RABGAP1L: variants seen among roughly 807,000 people sequenced by gnomAD.
The protein encoded by RABGAP1L is RAB GTPase activating protein 1 like.
Under a neutral mutation model 137.7 loss-of-function variants are expected in RABGAP1L, and 63 were observed. The ratio of observed to expected loss-of-function variants is 0.46; its 90% CI spans 0.37 to 0.56. The LOEUF (loss-of-function observed/expected upper bound fraction) is 0.56, where lower values mean the gene tolerates loss of function less well. Among genes scored for constraint, RABGAP1L ranks in the 20% least tolerant of loss-of-function variants. RABGAP1L has a pLI of 0.00. For synonymous variants in RABGAP1L, 431 were observed against 433.7 expected (o/e 0.99, Z 0.08); for missense variants, 1,095 against 1,244.0 (o/e 0.88, Z 1.80).
At chr1:174,187,155 G>T (rs1666865544) in intron 1 of RABGAP1L, among the ~76,000 whole-genome samples, 1 of 151,904 alleles carries the variant, frequency 6.6e-6, no homozygotes, top group Non-Finnish European at 1.5e-5. Flanking sequence ...CAAATGTTCT[G>T]TCCTCAGAGA....
intron 13 of RABGAP1L, among the ~76,000 whole-genome samples, chr1:174,547,336 C>A (rs1311050026): frequency 6.6e-6 from 1 of 151,836 alleles, no homozygotes; most frequent in Non-Finnish European, 1.5e-5. Context: ...AGCAAGTAAG[C>A]CTGGGTGCAG....
intron 19 of RABGAP1L, among the ~76,000 whole-genome samples, chr1:174,910,147 A>C (rs934642402): frequency 4.6e-5 from 7 of 152,144 alleles, no homozygotes; most frequent in South Asian, 2.1e-4. Flanking sequence ...TCAAAAAAAA[A>C]CACAAACAAA....
intron 1 of RABGAP1L, among the ~76,000 whole-genome samples, chr1:174,199,587 C>T (rs1292706698): frequency 3.3e-5 from 5 of 152,148 alleles, no homozygotes; most frequent in Non-Finnish European, 4.4e-5. Flanking sequence ...CCACCATGCC[C>T]GGCCCATACA....
intron 11 of RABGAP1L, among the ~76,000 whole-genome samples, chr1:174,361,688 C>A (rs1238610190): frequency 6.6e-6 from 1 of 151,942 alleles, no homozygotes; most frequent in Non-Finnish European, 1.5e-5. Context: ...GTGGAGACTT[C>A]AGTTTTTTCC....
intron 1 of RABGAP1L, among the ~76,000 whole-genome samples, chr1:174,165,293 G>C (rs1045280263): frequency 1.3e-5 from 2 of 152,056 alleles, no homozygotes; most frequent in Non-Finnish European, 2.9e-5. Flanking sequence ...GGGATTACAG[G>C]CGCCAACTGC....
chr1:174,716,294 T>C (rs987680043), intron 17 of RABGAP1L, among the ~76,000 whole-genome samples: 1 of 152,216 alleles, frequency 6.6e-6, no homozygotes, highest in Non-Finnish European at 1.5e-5. Flanking sequence ...AGACAGGGTC[T>C]TGTTGTGTTG....
At chr1:174,590,681 C>G (rs1669557297) in intron 13 of RABGAP1L, among the ~76,000 whole-genome samples, 1 of 15,778 alleles carries the variant, frequency 6.3e-5, no homozygotes. Flanking sequence ...GACATGAACT[C>G]ATCATTTTTT....
chr1:174,779,412 T>G (rs539398979), intron 18 of RABGAP1L, among the ~76,000 whole-genome samples: 48 of 152,338 alleles, frequency 3.2e-4, no homozygotes, highest in Non-Finnish European at 5.9e-4. Flanking sequence ...TTGTCTTGAA[T>G]TCTTCAATTA....
At chr1:174,249,006 T>G (rs894855128) in intron 5 of RABGAP1L, among the ~76,000 whole-genome samples, 1 of 152,178 alleles carries the variant, frequency 6.6e-6, no homozygotes, top group Non-Finnish European at 1.5e-5. Flanking sequence ...CACAAGTTTG[T>G]GATGATCTGA....
At chr1:174,460,852 G>GTAGT (rs1165135356) in intron 13 of RABGAP1L, among the ~76,000 whole-genome samples, 4 of 152,070 alleles carry the variant, frequency 2.6e-5, no homozygotes, top group African/African-American at 9.7e-5. Flanking sequence ...AGGTAGGTAG[G>GTAGT]TGGGTAGGTA....
intron 11 of RABGAP1L, among the ~76,000 whole-genome samples, chr1:174,334,289 C>T: frequency 6.6e-6 from 1 of 152,164 alleles, no homozygotes; most frequent in Middle Eastern, 3.2e-3. Flanking sequence ...CTCTGTCTGA[C>T]CCTATGTTTT....
intron 13 of RABGAP1L, among the ~76,000 whole-genome samples, chr1:174,497,251 G>A (rs1660827926): frequency 6.6e-6 from 1 of 152,044 alleles, no homozygotes; most frequent in Non-Finnish European, 1.5e-5. Context: ...AACTTAAATA[G>A]GATCTCTTTT....
intron 20 of RABGAP1L, among the ~76,000 whole-genome samples, chr1:174,961,787 A>C (rs1669118077): frequency 7.1e-6 from 1 of 140,228 alleles, no homozygotes; most frequent in African/African-American, 2.6e-5. Context: ...GGGAGGTTGC[A>C]GTGAGCCAAG....
chr1:174,459,359 C>T (rs1161065870), intron 13 of RABGAP1L, among the ~76,000 whole-genome samples: 1 of 152,026 alleles, frequency 6.6e-6, no homozygotes, highest in Non-Finnish European at 1.5e-5. Context: ...TGATGTTTTT[C>T]TTGAAAATAC....
chr1:174,269,001 C>T (rs562930637), intron 7 of RABGAP1L, among the ~76,000 whole-genome samples: 1 of 151,974 alleles, frequency 6.6e-6, no homozygotes, highest in Non-Finnish European at 1.5e-5. Context: ...AGTCTCGGCT[C>T]ACACAAGCTT....
chr1:174,312,663 T>C (rs982918869), intron 11 of RABGAP1L, among the ~76,000 whole-genome samples: 2 of 152,158 alleles, frequency 1.3e-5, no homozygotes, highest in Admixed American at 6.5e-5. Flanking sequence ...GTATTACCCA[T>C]GAAATTTTTG....
intron 17 of RABGAP1L, among the ~76,000 whole-genome samples, chr1:174,738,293 C>T (rs1011316798): frequency 2.0e-5 from 3 of 152,052 alleles, no homozygotes; most frequent in East Asian, 1.9e-4. Flanking sequence ...CTGGTTATTT[C>T]CCCCCAGCAG....
chr1:174,886,012 A>T (rs867741050), intron 19 of RABGAP1L, among the ~76,000 whole-genome samples: 5 of 135,898 alleles, frequency 3.7e-5, no homozygotes, highest in Non-Finnish European at 4.7e-5. Flanking sequence ...AGAGAAACCA[A>T]TTTTTTTTTT....
intron 18 of RABGAP1L, among the ~76,000 whole-genome samples, chr1:174,756,471 T>A (rs1813135): frequency 0.26 from 38,647 of 150,758 alleles, 5,076 homozygotes; most frequent in Admixed American, 0.27. Flanking sequence ...ATATATATAT[T>A]TTTTTTTGAA....
Sources: gnomAD v4.1 joint callset for allele counts (sites outside exome capture counted in the v4.1 genomes callset) on GRCh38, gnomAD v4.1.1 for gene constraint, MANE v1.5 for transcripts, NCBI Gene and HGNC (gene_info 2026-07-23, HGNC 2026-07-21) for gene names.